Variants in PITPNC1 observed in about 807,000 individuals in gnomAD.
The protein encoded by PITPNC1 is cytoplasmic phosphatidylinositol transfer protein 1.
Under a neutral mutation model 44.7 loss-of-function variants are expected in PITPNC1, and 18 were observed. The observed-to-expected ratio is 0.40, with a 90% confidence interval of 0.28 to 0.60. PITPNC1 has a LOEUF of 0.60. Among genes scored for constraint, PITPNC1 ranks in the 20% least tolerant of loss-of-function variants. The pLI is 0.39. For missense variants in PITPNC1, 290 were observed against 418.4 expected (o/e 0.69, Z 2.68); for synonymous variants, 141 against 149.6 (o/e 0.94, Z 0.42).
At chr17:67,529,803 CG>C (rs2040436891) in intron 1 of PITPNC1, among the ~76,000 whole-genome samples, 1 of 152,122 alleles carries the variant, frequency 6.6e-6, no homozygotes, top group African/African-American at 2.4e-5. Flanking sequence ...AAAAATTAGT[CG>C]GGTCGTAGCG....
intron 6 of PITPNC1, among the ~76,000 whole-genome samples, chr17:67,653,272 A>G (rs550019272): frequency 6.6e-6 from 1 of 152,256 alleles, no homozygotes; most frequent in Non-Finnish European, 1.5e-5. Context: ...CTCTGTCTAA[A>G]AGAAAAAAAA....
chr17:67,579,007 A>G (rs1359810358), intron 5 of PITPNC1, among the ~76,000 whole-genome samples: 1 of 152,172 alleles, frequency 6.6e-6, no homozygotes, highest in Non-Finnish European at 1.5e-5. Flanking sequence ...GAGAAAAGGA[A>G]ATAGAATCAG....
rs1332216788 is a variant in PITPNC1, at chr17:67,631,628, CAAAAACCAAA to C, written c.367-509_367-500del. On this transcript the variant is annotated intron_variant, in intron 5 of 8. Transcript: ENST00000581322. ...TGGGCGAAAGAGTGAGACTCCGTCT[CAAAAACCAAA>C]AAAAAAAAAAAAAAAAAAAATATAT... 7.5e-4 allele frequency among the ~76,000 whole-genome samples: 10 copies of C among 13,354 alleles called. 1 individual carries two copies. Among genetic ancestry groups the C allele is most frequent in the Admixed American group, 2.9e-3 (2 of 696 alleles). The allele number at this position is 13,354 out of a possible 152,430, so 8.8% of individuals were successfully genotyped here. A position where few individuals can be genotyped will look rare whatever the true frequency, so the allele number is the denominator to read the frequency against.
chr17:67,519,587 T>G (rs1568024097), intron 1 of PITPNC1, among the ~76,000 whole-genome samples: 1 of 152,138 alleles, frequency 6.6e-6, no homozygotes, highest in African/African-American at 2.4e-5. Context: ...CCCATTTGCT[T>G]TCCTCAATCT....
intron 1 of PITPNC1, among the ~76,000 whole-genome samples, chr17:67,460,299 G>C (rs2039316987): frequency 6.6e-6 from 1 of 152,158 alleles, no homozygotes; most frequent in Non-Finnish European, 1.5e-5. Context: ...TCACTCCGCT[G>C]CAGGGTTTAG....
intron 1 of PITPNC1, among the ~76,000 whole-genome samples, chr17:67,384,875 T>A (rs1427318798): frequency 2.6e-5 from 4 of 152,256 alleles, no homozygotes; most frequent in African/African-American, 9.6e-5. Flanking sequence ...TCACAGACTT[T>A]CCCCAAGGTT....
At chr17:67,474,817 G>T (rs1160525130) in intron 1 of PITPNC1, among the ~76,000 whole-genome samples, 1 of 151,616 alleles carries the variant, frequency 6.6e-6, no homozygotes, top group Non-Finnish European at 1.5e-5. Flanking sequence ...ACCATGCCCG[G>T]CGGCTTTTTT....
At chr17:67,537,421 G>A (rs760397388) in intron 2 of PITPNC1, among the ~76,000 whole-genome samples, 1 of 151,952 alleles carries the variant, frequency 6.6e-6, no homozygotes, top group South Asian at 2.1e-4. Flanking sequence ...AAATAATAGC[G>A]AAAATATAAT....
intron 8 of PITPNC1, among the ~76,000 whole-genome samples, chr17:67,686,894 TC>T (rs1217859395): frequency 6.6e-6 from 1 of 152,072 alleles, no homozygotes; most frequent in Non-Finnish European, 1.5e-5. Flanking sequence ...TTGCCCTCAC[TC>T]CCCCTTTGGT....
In PITPNC1 at chr17:67,445,921, A is replaced by G. The variant is rs527633177; in HGVS notation, c.48+67719A>G. ...GCTCCAGAAGTTCCAATCAGACTCT[A>G]GGTATCTTTGGCTGTTTTTTTTGTA... On this transcript the variant is annotated intron_variant, in intron 1 of 8. Coordinates refer to ENST00000581322, the MANE Select transcript of PITPNC1 (RefSeq NM_012417.4). 1.0e-3 allele frequency among the ~76,000 whole-genome samples: 153 copies of G among 151,874 alleles called. 1 individual carries two copies. The highest frequency in any genetic ancestry group is 3.4e-3 in the Middle Eastern group (1 of 294).
At chr17:67,688,360 G>C (rs952346524) in intron 8 of PITPNC1, among the ~76,000 whole-genome samples, 4 of 68,894 alleles carry the variant, frequency 5.8e-5, no homozygotes, top group African/African-American at 1.8e-4. Flanking sequence ...AATCAATGCT[G>C]TAGTTCTAGG....
At chr17:67,522,846 T>G (rs78249966) in intron 1 of PITPNC1, among the ~76,000 whole-genome samples, 1 of 151,776 alleles carries the variant, frequency 6.6e-6, no homozygotes, top group South Asian at 2.1e-4. Flanking sequence ...ATTTTTTTGT[T>G]TTTTGTAGAG....
At chr17:67,618,081 C>G (rs919425486) in intron 5 of PITPNC1, among the ~76,000 whole-genome samples, 1 of 152,130 alleles carries the variant, frequency 6.6e-6, no homozygotes, top group African/African-American at 2.4e-5. Context: ...GAAAACCAGG[C>G]CAGGTGCAGT....
At chr17:67,559,764 G>A (rs1333624894) in intron 4 of PITPNC1, among the ~76,000 whole-genome samples, 1 of 152,192 alleles carries the variant, frequency 6.6e-6, no homozygotes, top group East Asian at 1.9e-4. Context: ...ACGCATGCCT[G>A]TAATCCCAGC....
At chr17:67,455,655 T>C (rs1208188704) in intron 1 of PITPNC1, among the ~76,000 whole-genome samples, 1 of 152,078 alleles carries the variant, frequency 6.6e-6, no homozygotes, top group Non-Finnish European at 1.5e-5. Flanking sequence ...TTGGCCAGAC[T>C]GGTCTCGAAC....
At chr17:67,393,623 T>A (rs575463276) in intron 1 of PITPNC1, among the ~76,000 whole-genome samples, 2 of 152,212 alleles carry the variant, frequency 1.3e-5, no homozygotes, top group Non-Finnish European at 2.9e-5. Context: ...CTTGGCAATT[T>A]TAATTTAGAA....
chr17:67,588,284 G>A (rs574859585), intron 5 of PITPNC1, among the ~76,000 whole-genome samples: 6 of 152,284 alleles, frequency 3.9e-5, no homozygotes, highest in South Asian at 2.1e-4. Context: ...GATTACAGGC[G>A]TGAGCCACCG....
chr17:67,519,504 A>G (rs2040299866), intron 1 of PITPNC1, among the ~76,000 whole-genome samples: 1 of 152,128 alleles, frequency 6.6e-6, no homozygotes, highest in Admixed American at 6.5e-5. Flanking sequence ...TAAATGTAGC[A>G]ATTTCTGGAA....
chr17:67,390,841 C>T (rs2038127422), intron 1 of PITPNC1, among the ~76,000 whole-genome samples: 1 of 152,224 alleles, frequency 6.6e-6, no homozygotes, highest in Admixed American at 6.5e-5. Context: ...GCCTGAGCCA[C>T]ATTATACAAG....
Sources: gnomAD v4.1 joint callset for allele counts (sites outside exome capture counted in the v4.1 genomes callset) on GRCh38, gnomAD v4.1.1 for gene constraint, MANE v1.5 for transcripts, NCBI Gene and HGNC (gene_info 2026-07-23, HGNC 2026-07-21) for gene names.